The following TCF12 variants were observed in gnomAD, a reference collection of about 807,000 sequenced individuals.
TCF12 encodes the protein DNA-binding protein HTF4.
Under a neutral mutation model 86.0 loss-of-function variants are expected in TCF12, and 45 were observed. That is an observed-to-expected ratio of 0.52 (90% CI 0.41 to 0.67). TCF12 has a LOEUF of 0.67. Ranked by LOEUF, TCF12 falls within the 30% of genes least tolerant of loss-of-function variation. The pLI is 0.00. For synonymous variants in TCF12, 330 were observed against 299.6 expected (o/e 1.10, Z -1.05); for missense variants, 881 against 859.9 (o/e 1.02, Z -0.31).
intron 3 of TCF12, among the ~76,000 whole-genome samples, chr15:56,926,321 A>AG (rs1311350124): frequency 1.3e-5 from 2 of 151,924 alleles, no homozygotes; most frequent in East Asian, 3.9e-4. Flanking sequence ...TCAAAAAAAA[A>AG]AAAACAGTGG....
At chr15:57,282,397 T>C (rs1199965505) in intron 19 of TCF12, 48 bp from the exon 20 acceptor site, 1 of 1,611,402 alleles carries the variant, frequency 6.2e-7, no homozygotes, top group Non-Finnish European at 8.5e-7. Flanking sequence ...TGAGACCTAA[T>C]TCATAACTTA....
intron 5 of TCF12, among the ~76,000 whole-genome samples, chr15:57,105,898 G>A (rs1362137470): frequency 2.6e-5 from 4 of 152,146 alleles, no homozygotes; most frequent in Admixed American, 6.5e-5. Context: ...TGTTATGTTC[G>A]TTATAAGGGG....
chr15:57,075,820 C>T (rs1306517393), intron 4 of TCF12, among the ~76,000 whole-genome samples: 387 of 52,254 alleles, frequency 7.4e-3, no homozygotes, highest in African/African-American at 0.018. Context: ...CTCTCTCTCT[C>T]TCTCTCTCTC....
chr15:57,228,190 G>T (rs192927774), intron 8 of TCF12, among the ~76,000 whole-genome samples: 1 of 152,042 alleles, frequency 6.6e-6, no homozygotes. Context: ...GTGCTTTGCC[G>T]CAAGAAGTCT....
chr15:57,127,361 C>G (rs2051745660), intron 5 of TCF12, among the ~76,000 whole-genome samples: 2 of 152,088 alleles, frequency 1.3e-5, no homozygotes, highest in South Asian at 4.1e-4. Context: ...ACAAGAAGTT[C>G]TGCTAAACTT....
chr15:57,023,654 G>A (rs1399897569), intron 3 of TCF12, among the ~76,000 whole-genome samples: 2 of 152,014 alleles, frequency 1.3e-5, no homozygotes, highest in South Asian at 2.1e-4. Flanking sequence ...TCAAACACAG[G>A]GAGGTACAAA....
chr15:57,092,071 G>A (rs1162443561), intron 5 of TCF12, 180 bp downstream of exon 5: 1 of 485,688 alleles, frequency 2.1e-6, no homozygotes, highest in African/African-American at 1.9e-5. Context: ...AAAATTTGGG[G>A]TCTACTCTTA....
At chr15:56,933,491 G>C (rs2060334863) in intron 3 of TCF12, among the ~76,000 whole-genome samples, 2 of 152,216 alleles carry the variant, frequency 1.3e-5, no homozygotes, top group South Asian at 4.2e-4. Context: ...ATATTTGAAA[G>C]AGGAGCAGTT....
intron 5 of TCF12, among the ~76,000 whole-genome samples, chr15:57,117,355 A>G (rs547119997): frequency 1.3e-5 from 2 of 152,306 alleles, no homozygotes; most frequent in South Asian, 2.1e-4. Context: ...TTAAAACCCA[A>G]TAAAAGAGGT....
chr15:57,115,556 G>T (rs1035001652), intron 5 of TCF12, among the ~76,000 whole-genome samples: 5 of 152,194 alleles, frequency 3.3e-5, no homozygotes, highest in Non-Finnish European at 5.9e-5. Flanking sequence ...GCACAAGCCT[G>T]TAGGCAGATT....
intron 20 of TCF12, among the ~76,000 whole-genome samples, chr15:57,285,102 G>A (rs1038514994): frequency 9.9e-5 from 15 of 152,198 alleles, no homozygotes; most frequent in African/African-American, 3.4e-4. Flanking sequence ...TCATAAATTG[G>A]ATAGCAGATT....
At chr15:56,938,771 G>A (rs1171720456) in intron 3 of TCF12, among the ~76,000 whole-genome samples, 1 of 151,406 alleles carries the variant, frequency 6.6e-6, no homozygotes, top group Non-Finnish European at 1.5e-5. Context: ...TATCTCCATT[G>A]GGGATCCATC....
intron 8 of TCF12, among the ~76,000 whole-genome samples, chr15:57,230,812 C>T (rs887789277): frequency 6.6e-6 from 1 of 151,938 alleles, no homozygotes; most frequent in African/African-American, 2.4e-5. Flanking sequence ...TTTGTTTGCT[C>T]GATCAGATTT....
chr15:57,217,914 A>T (rs1244787194), intron 8 of TCF12, among the ~76,000 whole-genome samples: 1 of 152,158 alleles, frequency 6.6e-6, no homozygotes, highest in African/African-American at 2.4e-5. Flanking sequence ...GGAAGTTACA[A>T]ACCACTCCGC....
chr15:57,051,991 T>A (rs1345035427), intron 3 of TCF12, among the ~76,000 whole-genome samples: 2 of 152,240 alleles, frequency 1.3e-5, no homozygotes, highest in Non-Finnish European at 2.9e-5. Flanking sequence ...TCTATGTGTC[T>A]GTTTTTAATG....
chr15:56,965,636 T>G (rs1305253749), intron 3 of TCF12, among the ~76,000 whole-genome samples: 1 of 152,208 alleles, frequency 6.6e-6, no homozygotes, highest in East Asian at 1.9e-4. Flanking sequence ...AGAATTAAGT[T>G]CAAAATCACC....
At chr15:57,230,763 A>G (rs190844217) in intron 8 of TCF12, among the ~76,000 whole-genome samples, 1 of 152,168 alleles carries the variant, frequency 6.6e-6, no homozygotes, top group Admixed American at 6.5e-5. Context: ...AATGAATTTT[A>G]TGAACCCAGA....
chr15:57,247,537 A>G, intron 13 of TCF12: 1 of 911,362 alleles, frequency 1.1e-6, no homozygotes, highest in Non-Finnish European at 1.8e-6. Context: ...CAAAAGTTAT[A>G]AAAGCAAATC....
intron 5 of TCF12, among the ~76,000 whole-genome samples, chr15:57,103,864 T>G (rs1026113154): frequency 1.3e-4 from 20 of 152,150 alleles, no homozygotes; most frequent in African/African-American, 4.3e-4. Context: ...AAAAATTAGC[T>G]GGGCGTGGTG....
Sources: allele counts gnomAD v4.1 joint callset (sites outside exome capture counted in the v4.1 genomes callset), GRCh38; gene constraint gnomAD v4.1.1; transcripts MANE v1.5; gene names NCBI Gene and HGNC (gene_info 2026-07-23, HGNC 2026-07-21).